CNTN5: variants seen among roughly 807,000 people sequenced by gnomAD.
CNTN5 encodes contactin 5, also known as contactin-5.
Under a neutral mutation model 129.1 loss-of-function variants are expected in CNTN5, and 77 were observed. The ratio of observed to expected loss-of-function variants is 0.60; its 90% CI spans 0.50 to 0.72. The LOEUF is 0.72. Ranked by LOEUF, CNTN5 falls within the 30% of genes least tolerant of loss-of-function variation. The pLI, the probability that CNTN5 is intolerant of heterozygous loss-of-function variation, is 0.00. For missense variants in CNTN5, 1,478 were observed against 1,328.8 expected (o/e 1.11, Z -1.75); for synonymous variants, 509 against 465.6 (o/e 1.09, Z -1.20).
At chr11:100,169,276 A>G (rs1176738627) in intron 13 of CNTN5, among the ~76,000 whole-genome samples, 1 of 152,018 alleles carries the variant, frequency 6.6e-6, no homozygotes, top group Non-Finnish European at 1.5e-5. Flanking sequence ...AACCAACAGC[A>G]TTGCATGCTA....
In CNTN5 at chr11:99,072,327, C is replaced by T. The variant is rs114338971; in HGVS notation, c.-210+51057C>T. On this transcript the variant is annotated intron_variant, in intron 1 of 24. Transcript: ENST00000524871. ...ATTTGTTCTCAAACCAATTCATTTG[C>T]ATAGTAAATTAATAAACTAGCATTA... 8.3e-3 allele frequency among the ~76,000 whole-genome samples: 1,260 copies of T among 151,982 alleles called. 21 individuals carry two copies. The highest frequency in any genetic ancestry group is 0.028 in the African/African-American group (1,180 of 41,492).
At position 99,956,966 on chromosome 11, in the gene CNTN5, T is replaced by TA; in HGVS notation, c.835dup (p.Arg279LysfsTer4). 1 of 1,613,900 alleles carries TA rather than the reference T, an allele frequency of 6.2e-7. No individual in the cohort carries two copies. The highest frequency in any genetic ancestry group is 8.5e-7 in the Non-Finnish European group (1 of 1,179,830). On this transcript the variant is annotated frameshift_variant, in exon 8 of 25. Coordinates refer to ENST00000524871, the MANE Select transcript of CNTN5 (RefSeq NM_014361.4). LOFTEE classifies it high-confidence loss of function. ...TGGTGAAAAACACAGTGACGAATGC[T>TA]AGAGTCCTTAGTCCTCCAACGCCAC...
intron 7 of CNTN5, among the ~76,000 whole-genome samples, chr11:99,925,037 C>T: frequency 6.6e-6 from 1 of 152,098 alleles, no homozygotes; most frequent in Non-Finnish European, 1.5e-5. Context: ...TATAAATCTC[C>T]AGTTCTTGAT....
At chr11:99,772,077 T>C (rs1000474493) in intron 3 of CNTN5, among the ~76,000 whole-genome samples, 6 of 151,992 alleles carry the variant, frequency 3.9e-5, no homozygotes, top group African/African-American at 1.4e-4. Flanking sequence ...AGGTATTTTT[T>C]TTTTTTTATC....
intron 3 of CNTN5, among the ~76,000 whole-genome samples, chr11:99,731,280 T>A (rs1943525246): frequency 1.3e-5 from 2 of 151,648 alleles, no homozygotes; most frequent in South Asian, 4.2e-4. Context: ...GCTAATTTTT[T>A]TTTTGTATTT....
intron 3 of CNTN5, among the ~76,000 whole-genome samples, chr11:99,655,922 A>C (rs1952340235): frequency 6.6e-6 from 1 of 152,034 alleles, no homozygotes; most frequent in Admixed American, 6.6e-5. Flanking sequence ...TACACGCATA[A>C]AATACAAATA....
chr11:100,096,899 T>C (rs1291930401), intron 13 of CNTN5, among the ~76,000 whole-genome samples: 2 of 152,094 alleles, frequency 1.3e-5, no homozygotes, highest in East Asian at 3.9e-4. Context: ...GAAAAAGCTT[T>C]TTTAGCTACT....
At chr11:100,099,067 A>T (rs1006802608) in intron 13 of CNTN5, among the ~76,000 whole-genome samples, 4 of 152,134 alleles carry the variant, frequency 2.6e-5, no homozygotes, top group Non-Finnish European at 5.9e-5. Context: ...GCCTAGGTAT[A>T]CAGAGGGGGA....
intron 3 of CNTN5, among the ~76,000 whole-genome samples, chr11:99,751,573 C>A (rs1356162724): frequency 6.6e-6 from 1 of 152,130 alleles, no homozygotes; most frequent in Admixed American, 6.6e-5. Flanking sequence ...ATAAAACATT[C>A]CGTGCATAGT....
intron 3 of CNTN5, among the ~76,000 whole-genome samples, chr11:99,696,689 A>AT (rs1954283350): frequency 6.6e-6 from 1 of 151,368 alleles, no homozygotes; most frequent in African/African-American, 2.4e-5. Context: ...TCATGATTAT[A>AT]TTTTTTATGA....
chr11:99,167,402 G>C (rs1470103894), intron 1 of CNTN5, among the ~76,000 whole-genome samples: 1 of 152,036 alleles, frequency 6.6e-6, no homozygotes, highest in African/African-American at 2.4e-5. Flanking sequence ...ACAAATATTT[G>C]CTATTATTAT....
At chr11:100,100,892 T>C (rs753915334) in intron 13 of CNTN5, among the ~76,000 whole-genome samples, 1 of 152,074 alleles carries the variant, frequency 6.6e-6, no homozygotes, top group African/African-American at 2.4e-5. Context: ...TTTTCTGAAA[T>C]AGGTAAGTCT....
intron 1 of CNTN5, among the ~76,000 whole-genome samples, chr11:99,135,654 A>T (rs1418388067): frequency 6.6e-6 from 1 of 152,104 alleles, no homozygotes; most frequent in Admixed American, 6.6e-5. Flanking sequence ...TTTTCCCAAC[A>T]TACAATTTCA....
chr11:99,967,608 T>G (rs1951129115), intron 8 of CNTN5, among the ~76,000 whole-genome samples: 1 of 152,150 alleles, frequency 6.6e-6, no homozygotes, highest in African/African-American at 2.4e-5. Context: ...TACAGATGTT[T>G]ATTAATGTCT....
Position 100,255,814 on chromosome 11 carries a change from C to T in CNTN5, c.2060C>T (p.Ala687Val), listed in dbSNP as rs771868341. 3 of 1,613,754 alleles carry T rather than the reference C, an allele frequency of 1.9e-6. No individual in the cohort carries two copies. Among genetic ancestry groups the T allele is most frequent in the Non-Finnish European group, 2.5e-6 (3 of 1,179,836 alleles). Residue 687 changes from alanine (A) to valine (V), a missense_variant, in exon 17 of 25, where the codon GCC becomes GTC. Ala to Val is a moderately conservative substitution (Grantham distance 64, BLOSUM62 0). Transcript: ENST00000524871. ...VIVEEITESTATLSWSPAADN... is the reference protein window; with the variant it reads ...VIVEEITESTVTLSWSPAADN... ...GTTGAGGAAATAACCGAAAGTACGG[C>T]CACACTGTCCTGGAGCCCAGCAGCT...
intron 1 of CNTN5, among the ~76,000 whole-genome samples, chr11:99,233,015 A>G (rs1861080825): frequency 6.6e-6 from 1 of 152,230 alleles, no homozygotes; most frequent in African/African-American, 2.4e-5. Context: ...TGCTTTGTTC[A>G]GCCGAGGAGA....
chr11:99,476,335 A>G (rs1312734283), intron 2 of CNTN5, among the ~76,000 whole-genome samples: 1 of 152,098 alleles, frequency 6.6e-6, no homozygotes, highest in Non-Finnish European at 1.5e-5. Context: ...TCATTTTAAC[A>G]TCTTACTAAA....
At chr11:99,245,080 C>T (rs1460144620) in intron 1 of CNTN5, among the ~76,000 whole-genome samples, 1 of 152,022 alleles carries the variant, frequency 6.6e-6, no homozygotes, top group African/African-American at 2.4e-5. Flanking sequence ...TACAATGAGG[C>T]ATATGCAAAA....
intron 21 of CNTN5, among the ~76,000 whole-genome samples, chr11:100,337,932 A>G (rs2139005876): frequency 6.6e-6 from 1 of 152,368 alleles, no homozygotes; most frequent in Admixed American, 6.5e-5. Context: ...GCTCTCCACA[A>G]CAGGGAGAAC....
Sources: gnomAD v4.1 joint callset for allele counts (sites outside exome capture counted in the v4.1 genomes callset) on GRCh38, gnomAD v4.1.1 for gene constraint, MANE v1.5 for transcripts, NCBI Gene and HGNC (gene_info 2026-07-23, HGNC 2026-07-21) for gene names.